Variants in ELAVL4 observed in about 807,000 individuals in gnomAD.
ELAVL4 encodes the protein ELAV like RNA binding protein 4, also known as ELAV-like protein 4.
ELAVL4 carries 1 observed loss-of-function variant against 35.6 expected under a neutral mutation model. That is an observed-to-expected ratio of 0.03 (90% confidence interval 0.01 to 0.13). The LOEUF is 0.13. Ranked by LOEUF, ELAVL4 falls within the 10% of genes least tolerant of loss-of-function variation. ELAVL4 has a pLI of 1.00. For missense variants in ELAVL4, 267 were observed against 464.9 expected (o/e 0.57, Z 3.91); for synonymous variants, 156 against 171.0 (o/e 0.91, Z 0.69).
At chr1:50,171,196 T>C (rs1202319815) in intron 2 of ELAVL4, among the ~76,000 whole-genome samples, 3 of 152,122 alleles carry the variant, frequency 2.0e-5, no homozygotes, top group Non-Finnish European at 4.4e-5. Context: ...GGAACAATCA[T>C]AGGTGCTCCA....
At chr1:50,113,267 T>C (rs1490972705) in intron 1 of ELAVL4, among the ~76,000 whole-genome samples, 2 of 152,014 alleles carry the variant, frequency 1.3e-5, no homozygotes, top group Admixed American at 1.3e-4. Flanking sequence ...ATTTCCTTAT[T>C]ATAGGTGGGT....
intron 1 of ELAVL4, among the ~76,000 whole-genome samples, chr1:50,133,978 C>G (rs1671474341): frequency 1.3e-5 from 2 of 152,142 alleles, no homozygotes; most frequent in Non-Finnish European, 2.9e-5. Flanking sequence ...GACTTCTACA[C>G]AGATTTTTCT....
intron 1 of ELAVL4, among the ~76,000 whole-genome samples, chr1:50,082,767 A>G (rs1399565491): frequency 2.6e-5 from 4 of 152,166 alleles, no homozygotes; most frequent in African/African-American, 9.7e-5. Flanking sequence ...GATTGCTAGT[A>G]AGAATTAGGC....
upstream of ELAVL4, among the ~76,000 whole-genome samples, chr1:50,101,534 GA>G (rs1163848097): frequency 2.6e-5 from 4 of 152,020 alleles, no homozygotes; most frequent in Non-Finnish European, 4.4e-5. Flanking sequence ...TTTTAGTTGA[GA>G]AAAAATTGAG....
At chr1:50,089,775 CA>C (rs1053916259) in intron 1 of ELAVL4, among the ~76,000 whole-genome samples, 1 of 152,028 alleles carries the variant, frequency 6.6e-6, no homozygotes, top group African/African-American at 2.4e-5. Flanking sequence ...AAACAAAAAA[CA>C]AAAAACCATC....
chr1:50,135,853 C>T (rs182019233), intron 1 of ELAVL4, among the ~76,000 whole-genome samples: 1 of 152,262 alleles, frequency 6.6e-6, no homozygotes, highest in African/African-American at 2.4e-5. Context: ...TCTTTAGCCA[C>T]AGTCCCCTAG....
At chr1:50,165,832 GTA>G (rs889684566) in intron 2 of ELAVL4, among the ~76,000 whole-genome samples, 4 of 150,300 alleles carry the variant, frequency 2.7e-5, no homozygotes, top group East Asian at 3.9e-4. Flanking sequence ...ATGTGTGTGT[GTA>G]TATATATATA....
intron 3 of ELAVL4, among the ~76,000 whole-genome samples, chr1:50,187,144 A>C (rs1681956890): frequency 6.6e-6 from 1 of 152,096 alleles, no homozygotes. Flanking sequence ...GTTTGTATGC[A>C]CTCAGAGAAA....
intron 3 of ELAVL4, 119 bp downstream of exon 3, chr1:50,177,311 C>A: frequency 1.3e-6 from 1 of 747,718 alleles, no homozygotes; most frequent in Non-Finnish European, 2.3e-6. Flanking sequence ...ATTCAAAGAA[C>A]ATTTACCATC....
At chr1:50,172,493 A>G (rs1205202050) in intron 2 of ELAVL4, among the ~76,000 whole-genome samples, 6 of 152,104 alleles carry the variant, frequency 3.9e-5, no homozygotes, top group African/African-American at 9.7e-5. Flanking sequence ...GAAGATAACA[A>G]TCTACAGCTC....
intron 4 of ELAVL4, among the ~76,000 whole-genome samples, chr1:50,194,575 A>G (rs1438811916): frequency 6.6e-6 from 1 of 152,214 alleles, no homozygotes; most frequent in South Asian, 2.1e-4. Flanking sequence ...CACGTTTATC[A>G]TGTGATTCAT....
intron 4 of ELAVL4, 82 bp downstream of exon 4, chr1:50,194,000 T>C: frequency 1.3e-6 from 2 of 1,515,396 alleles, no homozygotes; most frequent in South Asian, 1.3e-5. Flanking sequence ...GGCTGATGGC[T>C]GCTTAAAGCA....
At chr1:50,081,479 T>C (rs992530550) in intron 1 of ELAVL4, among the ~76,000 whole-genome samples, 5 of 152,226 alleles carry the variant, frequency 3.3e-5, no homozygotes, top group South Asian at 2.1e-4. Flanking sequence ...TGCTGACCTA[T>C]GTTAAAATGC....
chr1:50,127,921 C>T (rs1237899546), intron 1 of ELAVL4, among the ~76,000 whole-genome samples: 1 of 152,114 alleles, frequency 6.6e-6, no homozygotes, highest in East Asian at 1.9e-4. Context: ...TATTTATTCA[C>T]TTATTTAAAA....
At chr1:50,121,792 G>A (rs547968481) in intron 1 of ELAVL4, among the ~76,000 whole-genome samples, 10 of 152,004 alleles carry the variant, frequency 6.6e-5, no homozygotes, top group Non-Finnish European at 1.3e-4. Context: ...GATAACTACT[G>A]ATGTCTGCAT....
chr1:50,169,281 T>G (rs1678558579), intron 2 of ELAVL4, among the ~76,000 whole-genome samples: 1 of 152,126 alleles, frequency 6.6e-6, no homozygotes, highest in Non-Finnish European at 1.5e-5. Flanking sequence ...CCCAGCCCAC[T>G]GACTCAAATG....
intron 3 of ELAVL4, among the ~76,000 whole-genome samples, chr1:50,188,234 A>G (rs1007843677): frequency 6.6e-6 from 1 of 152,230 alleles, no homozygotes; most frequent in Non-Finnish European, 1.5e-5. Context: ...TTCCAGCACC[A>G]AATTTCTGTG....
At chr1:50,134,546 C>T (rs1671572247) in intron 1 of ELAVL4, among the ~76,000 whole-genome samples, 1 of 152,090 alleles carries the variant, frequency 6.6e-6, no homozygotes, top group East Asian at 1.9e-4. Flanking sequence ...GTTTTCCAAT[C>T]GATTTTCTTT....
chr1:50,172,594 C>A (rs532657243), intron 2 of ELAVL4, among the ~76,000 whole-genome samples: 15 of 152,254 alleles, frequency 9.9e-5, no homozygotes, highest in African/African-American at 3.6e-4. Context: ...CTGTCTATGG[C>A]TGCTACACAA....
Sources: gnomAD v4.1 joint callset for allele counts (sites outside exome capture counted in the v4.1 genomes callset) on GRCh38, gnomAD v4.1.1 for gene constraint, MANE v1.5 for transcripts, NCBI Gene and HGNC (gene_info 2026-07-23, HGNC 2026-07-21) for gene names.